FGL1: variants seen among roughly 807,000 people sequenced by gnomAD.
The protein encoded by FGL1 is fibrinogen-like protein 1.
FGL1 carries 59 observed loss-of-function variants against 43.7 expected under a neutral mutation model. The ratio of observed to expected loss-of-function variants is 1.35; its 90% confidence interval spans 1.10 to 1.68. The LOEUF (loss-of-function observed/expected upper bound fraction) is 1.68. Among genes scored for constraint, FGL1 ranks in the 40% most tolerant of loss-of-function variants. The pLI, the probability that FGL1 is intolerant of heterozygous loss-of-function variation, is 0.00. For synonymous variants in FGL1, 192 were observed against 126.5 expected (o/e 1.52, Z -3.48); for missense variants, 596 against 373.0 (o/e 1.60, Z -4.92).
intron 5 of FGL1, among the ~76,000 whole-genome samples, chr8:17,869,967 G>A (rs1240673710): frequency 6.6e-6 from 1 of 152,060 alleles, no homozygotes; most frequent in Non-Finnish European, 1.5e-5. Flanking sequence ...AAAATTAGCC[G>A]GGCATGGTGG....
chr8:17,885,600 G>T, intron 1 of FGL1, 29 bp from the exon 2 acceptor site: 1 of 1,593,470 alleles, frequency 6.3e-7, no homozygotes, highest in Non-Finnish European at 8.6e-7. Flanking sequence ...TTTTATAAAT[G>T]TATCAACCTT....
chr8:17,893,449 G>T (rs2053734701), intron 1 of FGL1, among the ~76,000 whole-genome samples: 1 of 149,442 alleles, frequency 6.7e-6, no homozygotes, highest in Admixed American at 6.7e-5. Flanking sequence ...ATTATATAAG[G>T]TATATAAATA....
intron 1 of FGL1, among the ~76,000 whole-genome samples, chr8:17,890,658 T>G (rs976871919): frequency 6.6e-6 from 1 of 152,184 alleles, no homozygotes; most frequent in African/African-American, 2.4e-5. Flanking sequence ...AAGATCTGCC[T>G]GAGACTGGGT....
At chr8:17,881,182 G>T (rs901715834) in intron 3 of FGL1, among the ~76,000 whole-genome samples, 1 of 147,320 alleles carries the variant, frequency 6.8e-6, no homozygotes, top group African/African-American at 2.7e-5. Flanking sequence ...TGTTGCCCAG[G>T]CTGGAGTGCA....
At chr8:17,864,933 A>ATTTTATT (rs910699617) in intron 7 of FGL1, among the ~76,000 whole-genome samples, 182 bp from the exon 8 acceptor site, 5 of 151,988 alleles carry the variant, frequency 3.3e-5, no homozygotes, top group Non-Finnish European at 7.4e-5. Context: ...TGGCTATTGT[A>ATTTTATT]TTTTATTTTT....
chr8:17,888,454 G>A (rs894153252), intron 1 of FGL1, among the ~76,000 whole-genome samples: 4 of 152,190 alleles, frequency 2.6e-5, no homozygotes, highest in Non-Finnish European at 5.9e-5. Context: ...TTGCAATGCA[G>A]TAGTGTCCTA....
At chr8:17,886,004 T>C (rs553940358) in intron 1 of FGL1, among the ~76,000 whole-genome samples, 128 of 152,328 alleles carry the variant, frequency 8.4e-4, no homozygotes, top group African/African-American at 3.0e-3. Context: ...TCCTCCCGCC[T>C]TGGCCTCCCA....
In FGL1 at chr8:17,868,596, T is replaced by A; in HGVS notation, c.731A>T (p.Tyr244Phe). The A allele has an allele frequency of 6.2e-7, 1 of 1,614,042 alleles. No homozygotes were observed. The highest frequency in any genetic ancestry group is 8.5e-7 in the Non-Finnish European group (1 of 1,179,976). The change falls in exon 7 of 8, where the codon TAT (tyrosine) becomes TTT (phenylalanine). Residue 244 changes from tyrosine (Y) to phenylalanine (F), a missense_variant. By Grantham distance (22) the Tyr-to-Phe change is conservative. Coordinates refer to ENST00000427924, the MANE Select transcript of FGL1 (RefSeq NM_004467.4). ...ATCTTCTTCTGCGCAGTTCCCTTCA[T>A]AGTTGTCATGATCTCTGTCCCACGT... ...FSTWDRDHDN[Y>F]EGNCAEEDQS...
chr8:17,888,267 C>T (rs1024058176), intron 1 of FGL1, among the ~76,000 whole-genome samples: 17 of 152,012 alleles, frequency 1.1e-4, no homozygotes, highest in South Asian at 6.2e-4. Flanking sequence ...GAACAGAAGT[C>T]GTGACCAAAT....
At chr8:17,890,613 C>G (rs1411928698) in intron 1 of FGL1, among the ~76,000 whole-genome samples, 1 of 152,146 alleles carries the variant, frequency 6.6e-6, no homozygotes, top group Non-Finnish European at 1.5e-5. Flanking sequence ...CCCCTACTGT[C>G]TTAGTCCATT....
intron 2 of FGL1, among the ~76,000 whole-genome samples, chr8:17,882,856 C>A (rs1295853804): frequency 6.5e-5 from 6 of 92,184 alleles, no homozygotes; most frequent in East Asian, 2.8e-4. Flanking sequence ...TAATATATAT[C>A]ATATATAATA....
chr8:17,864,821 T>A, intron 7 of FGL1, 70 bp from the exon 8 acceptor site: 2 of 1,262,880 alleles, frequency 1.6e-6, no homozygotes, highest in East Asian at 2.9e-5. Context: ...ATCCCTTTTA[T>A]TTTGCTACAA....
Position 17,864,473 on chromosome 8 carries a change from A to C in FGL1, c.*119T>G. ...TTAAGTAACAAAGGCAAGTGAGAAGAATGAAAAGCACTACTCACAACAGTT... is the reference window on the plus strand; with the variant it reads ...TTAAGTAACAAAGGCAAGTGAGAAGCATGAAAAGCACTACTCACAACAGTT... On this transcript the variant is annotated 3_prime_UTR_variant, in exon 8 of 8. Transcript: ENST00000427924. 3 of 1,064,122 alleles carry C rather than the reference A, an allele frequency of 2.8e-6. No homozygotes were observed. Among genetic ancestry groups the C allele is most frequent in the Non-Finnish European group, 4.0e-6 (3 of 756,870 alleles). 65.9% of individuals were successfully genotyped at this position (1,064,122 alleles called of 1,614,324 possible).
chr8:17,874,444 AT>A lies in FGL1; in HGVS notation c.321del (p.Glu107AspfsTer16). ...YKIKPLQSPA[E>X]FSVYCDMSDG... is the part of the protein sequence containing the mutation. ...TCGGACATGTCACAATAAACAGAAA[AT>A]TCTGCTGGGCTCTGGAGAGGTTTGA... On this transcript the variant is annotated frameshift_variant, in exon 4 of 8. Transcript: ENST00000427924. LOFTEE classifies it high-confidence loss of function. 5 of 1,614,126 alleles carry A rather than the reference AT, an allele frequency of 3.1e-6. No homozygotes were observed. In the South Asian group the frequency reaches 5.5e-5, roughly 18 times the overall value.
At chr8:17,871,551 T>C (rs1010118283) in intron 5 of FGL1, among the ~76,000 whole-genome samples, 1 of 152,184 alleles carries the variant, frequency 6.6e-6, no homozygotes, top group African/African-American at 2.4e-5. Flanking sequence ...ACTCAATTTT[T>C]TGGCTAACAT....
intron 1 of FGL1, among the ~76,000 whole-genome samples, chr8:17,894,617 T>C (rs1335400522): frequency 6.8e-6 from 1 of 146,752 alleles, no homozygotes; most frequent in Admixed American, 6.7e-5. Context: ...AAACCTATCA[T>C]TTACGTCAAA....
At chr8:17,884,055 C>G (rs2053591480) in intron 2 of FGL1, among the ~76,000 whole-genome samples, 1 of 141,482 alleles carries the variant, frequency 7.1e-6, no homozygotes, top group African/African-American at 2.6e-5. Context: ...TTTTTCTTTT[C>G]TTTTGTTCTT....
Position 17,895,485 on chromosome 8 carries a change from C to T in FGL1, c.-56G>A, listed in dbSNP as rs1161267846. 1 of 1,284,296 alleles carries T rather than the reference C, an allele frequency of 7.8e-7. No individual in the cohort carries two copies. The highest frequency in any genetic ancestry group is 1.0e-6 in the Non-Finnish European group (1 of 984,166). 79.6% of individuals were successfully genotyped at this position (1,284,296 alleles called of 1,614,324 possible). On this transcript the variant is annotated 5_prime_UTR_variant, in exon 1 of 8. The change abolishes an upstream ATG in the 5' untranslated region. Transcript: ENST00000427924. Reference sequence around the variant, plus strand: ...TGAGTCAGAGACCCAGCTCAGGTTCCATCCAGACACTCTGCTTCCCAGGAT... The same window carrying T: ...TGAGTCAGAGACCCAGCTCAGGTTCTATCCAGACACTCTGCTTCCCAGGAT...
Position 17,894,326 on chromosome 8 carries a change from A to G in FGL1, c.-18+1121T>C, listed in dbSNP as rs1298352601. ...CTATAGGACTATAATGCTTAGGACTATAACCTAAGTCAGTGAGTTAAAAAT... is the reference window on the plus strand; with the variant it reads ...CTATAGGACTATAATGCTTAGGACTGTAACCTAAGTCAGTGAGTTAAAAAT... On this transcript the variant is annotated intron_variant, in intron 1 of 7. Transcript: ENST00000427924. Among the ~76,000 whole-genome samples, 2 of 147,206 alleles carry G rather than the reference A, an allele frequency of 1.4e-5. 1 individual carries two copies. Among genetic ancestry groups the G allele is most frequent in the African/African-American group, 5.3e-5 (2 of 37,478 alleles).
Sources: gnomAD v4.1 joint callset for allele counts (sites outside exome capture counted in the v4.1 genomes callset) on GRCh38, gnomAD v4.1.1 for gene constraint, MANE v1.5 for transcripts, NCBI Gene and HGNC (gene_info 2026-07-23, HGNC 2026-07-21) for gene names.